The following COL5A2 variants were observed in gnomAD, a reference collection of about 807,000 sequenced individuals.
COL5A2 encodes collagen type V alpha 2 chain.
Under a neutral mutation model 208.2 loss-of-function variants are expected in COL5A2, and 23 were observed. The ratio of observed to expected loss-of-function variants is 0.11; its 90% CI spans 0.08 to 0.16. The LOEUF is 0.16. Ranked by LOEUF, COL5A2 falls within the 10% of genes least tolerant of loss-of-function variation. The pLI, the probability that COL5A2 is intolerant of heterozygous loss-of-function variation, is 1.00. For synonymous variants in COL5A2, 625 were observed against 628.5 expected, an observed-to-expected ratio of 0.99 and a Z score of 0.08; for missense variants, 1,590 against 1,956.4, an observed-to-expected ratio of 0.81 and a Z score of 3.53.
the COL5A2 span, among the ~76,000 whole-genome samples, chr2:189,382,364 T>C: frequency 4.0e-5 from 6 of 151,722 alleles, no homozygotes; most frequent in Non-Finnish European, 8.8e-5. Context: ...TCTCAAAAAA[T>C]AAAATAAAAT....
chr2:189,227,934 C>T (rs1689439645), upstream of COL5A2, among the ~76,000 whole-genome samples: 1 of 151,788 alleles, frequency 6.6e-6, no homozygotes, highest in African/African-American at 2.4e-5. Flanking sequence ...TACTAGGTCA[C>T]AAAACAAAAC....
the COL5A2 span, among the ~76,000 whole-genome samples, chr2:189,341,526 C>T: frequency 6.6e-6 from 1 of 151,962 alleles, no homozygotes; most frequent in African/African-American, 2.4e-5. Flanking sequence ...GATAAATAAT[C>T]TCCTTCCACT....
the COL5A2 span, among the ~76,000 whole-genome samples, chr2:189,373,068 A>C: frequency 6.6e-6 from 1 of 152,184 alleles, no homozygotes; most frequent in African/African-American, 2.4e-5. Flanking sequence ...CATATGCTAC[A>C]CTTGGCACTA....
At chr2:189,369,046 A>G in the COL5A2 span, among the ~76,000 whole-genome samples, 1 of 152,194 alleles carries the variant, frequency 6.6e-6, no homozygotes, top group Non-Finnish European at 1.5e-5. Context: ...CAAGCAAATA[A>G]TAACACTAAA....
At chr2:189,100,042 T>C in intron 4 of COL5A2, 65 bp downstream of exon 4, 3 of 1,351,020 alleles carry the variant, frequency 2.2e-6, no homozygotes, top group South Asian at 1.2e-5. Flanking sequence ...AGCAATAATA[T>C]ACAATTATAC....
chr2:189,231,107 G>A, the COL5A2 span, among the ~76,000 whole-genome samples: 1 of 151,902 alleles, frequency 6.6e-6, no homozygotes, highest in Non-Finnish European at 1.5e-5. Context: ...CTACTTATAT[G>A]AGGCATCTGA....
At chr2:189,113,773 TG>T (rs1415955622) in intron 1 of COL5A2, among the ~76,000 whole-genome samples, 17 of 150,882 alleles carry the variant, frequency 1.1e-4, no homozygotes, top group Admixed American at 8.6e-4. Context: ...TATATGCTGA[TG>T]GGATAATTAG....
At chr2:189,239,634 G>T in the COL5A2 span, among the ~76,000 whole-genome samples, 1 of 108,764 alleles carries the variant, frequency 9.2e-6, no homozygotes, top group African/African-American at 3.5e-5. Context: ...TGGGGGGAGG[G>T]GGGAGGGATA....
chr2:189,161,665 T>C (rs1275177588), intron 1 of COL5A2, among the ~76,000 whole-genome samples: 1 of 152,226 alleles, frequency 6.6e-6, no homozygotes, highest in Admixed American at 6.5e-5. Context: ...GCTTGAAATA[T>C]CAGTCACAAA....
the COL5A2 span, among the ~76,000 whole-genome samples, chr2:189,344,193 T>C: frequency 6.6e-6 from 1 of 152,188 alleles, no homozygotes; most frequent in South Asian, 2.1e-4. Flanking sequence ...AAACTCATTG[T>C]TTTATGAACA....
intron 1 of COL5A2, among the ~76,000 whole-genome samples, chr2:189,207,125 T>C (rs143985697): frequency 1.3e-5 from 2 of 152,328 alleles, no homozygotes; most frequent in Admixed American, 1.3e-4. Flanking sequence ...CCAATGCAGA[T>C]CAAAAGAAAA....
At chr2:189,101,537 T>A (rs555116253) in intron 3 of COL5A2, among the ~76,000 whole-genome samples, 8 of 152,224 alleles carry the variant, frequency 5.3e-5, no homozygotes, top group African/African-American at 1.9e-4. Flanking sequence ...TATCTCTGAT[T>A]AATACCTTAT....
At chr2:189,402,100 C>G in the COL5A2 span, among the ~76,000 whole-genome samples, 11 of 152,152 alleles carry the variant, frequency 7.2e-5, no homozygotes, top group South Asian at 4.1e-4. Context: ...TTTTGCTTTT[C>G]TTGCAATTGC....
chr2:189,106,717 TTTAAG>T (rs148897752), intron 2 of COL5A2, among the ~76,000 whole-genome samples: 19,751 of 151,178 alleles, frequency 0.13, 1,308 homozygotes, highest in South Asian at 0.18. Flanking sequence ...TAATGAAACT[TTTAAG>T]TTGAGATGTA....
the COL5A2 span, among the ~76,000 whole-genome samples, chr2:189,315,885 A>T: frequency 2.0e-5 from 3 of 152,244 alleles, no homozygotes; most frequent in Admixed American, 6.5e-5. Flanking sequence ...CACTAAACGA[A>T]TGCACTGAGA....
At chr2:189,056,696 A>G (rs1685907959) in intron 35 of COL5A2, 1 of 496,754 alleles carries the variant, frequency 2.0e-6, no homozygotes, top group East Asian at 3.7e-5. Context: ...TGTATGAAAT[A>G]AAAAGATGAT....
At chr2:189,311,507 AGC>A in the COL5A2 span, 1 of 1,104,162 alleles carries the variant, frequency 9.1e-7, no homozygotes, top group Non-Finnish European at 1.3e-6. Context: ...AGTCTGTGCC[AGC>A]TCTGACTCCA....
the COL5A2 span, among the ~76,000 whole-genome samples, chr2:189,368,855 A>G: frequency 6.6e-6 from 1 of 152,148 alleles, no homozygotes; most frequent in South Asian, 2.1e-4. Flanking sequence ...CATGTACTAT[A>G]TAGTTAACTC....
the COL5A2 span, among the ~76,000 whole-genome samples, chr2:189,249,828 C>G: frequency 1.3e-5 from 2 of 152,152 alleles, no homozygotes; most frequent in African/African-American, 4.8e-5. Flanking sequence ...TCCCAAGTAG[C>G]TGGCATTATA....
Sources: gnomAD v4.1 joint callset for allele counts (sites outside exome capture counted in the v4.1 genomes callset) on GRCh38, gnomAD v4.1.1 for gene constraint, MANE v1.5 for transcripts, NCBI Gene and HGNC (gene_info 2026-07-23, HGNC 2026-07-21) for gene names.